The following SCRG1 variants were observed in gnomAD, a reference collection of about 807,000 sequenced individuals.
SCRG1 encodes stimulator of chondrogenesis 1, also known as scrapie-responsive protein 1.
A neutral mutation model predicts 7.7 loss-of-function variants in SCRG1; 3 were observed. The observed-to-expected ratio is 0.39, with a 90% CI of 0.18 to 1.01. The LOEUF is 1.01. Among genes scored for constraint, SCRG1 ranks in the 50% least tolerant of loss-of-function variants. The pLI, the probability that SCRG1 is intolerant of heterozygous loss-of-function variation, is 0.36. For synonymous variants in SCRG1, 46 were observed against 41.2 expected (o/e 1.12, Z -0.44); for missense variants, 110 against 117.2 (o/e 0.94, Z 0.28).
the SCRG1 span, among the ~76,000 whole-genome samples, chr4:173,480,246 AC>A: frequency 8.5e-5 from 13 of 152,220 alleles, no homozygotes; most frequent in African/African-American, 3.1e-4. Flanking sequence ...GGATGGAGGA[AC>A]AAGTTAAGCC....
chr4:173,455,456 A>G, the SCRG1 span, among the ~76,000 whole-genome samples: 2 of 152,196 alleles, frequency 1.3e-5, no homozygotes, highest in South Asian at 2.1e-4. Context: ...TAGTCTTTTT[A>G]ATGGGAAGTC....
chr4:173,415,005 A>G, the SCRG1 span, among the ~76,000 whole-genome samples: 1 of 152,228 alleles, frequency 6.6e-6, no homozygotes, highest in Non-Finnish European at 1.5e-5. Flanking sequence ...ATTATCTACC[A>G]GGCTCACATC....
chr4:173,509,806 C>A, the SCRG1 span, among the ~76,000 whole-genome samples: 1 of 152,044 alleles, frequency 6.6e-6, no homozygotes, highest in Non-Finnish European at 1.5e-5. This position sits in a 1 kb window ranked among gnomAD's most constrained non-coding sequence, Gnocchi z 5.7. Flanking sequence ...GAGAGGAAAC[C>A]GACTCTTTTG....
Position 173,388,142 on chromosome 4 carries a change from A to G in SCRG1, c.*199T>C, listed in dbSNP as rs1739293912. 4.3e-6 allele frequency: 2 copies of G among 460,892 alleles called. No individual in the cohort carries two copies. Among genetic ancestry groups the G allele is most frequent in the Non-Finnish European group, 7.6e-6 (2 of 264,370 alleles). The allele number at this position is 460,892 out of a possible 1,614,324, so 28.6% of individuals were successfully genotyped here. On this transcript the variant is annotated 3_prime_UTR_variant, in exon 3 of 3. Transcript: ENST00000296506. ...TAGGCAAAATTTTTAACCAATGCCA[A>G]CAATGTCCACAGAGAAAAATTAGAT...
At chr4:173,472,023 G>T in the SCRG1 span, among the ~76,000 whole-genome samples, 1 of 152,122 alleles carries the variant, frequency 6.6e-6, no homozygotes, top group Admixed American at 6.6e-5. Context: ...AATGAGTTTT[G>T]AAAGCAAGAA....
the SCRG1 span, among the ~76,000 whole-genome samples, chr4:173,470,629 G>A: frequency 6.6e-6 from 1 of 152,102 alleles, no homozygotes; most frequent in Non-Finnish European, 1.5e-5. Context: ...GTAACCATAT[G>A]ACCCTTTTAA....
rs1176118427 is a variant in SCRG1 at position 173,386,797 on chromosome 4, A to C, written c.*1544T>G. On this transcript the variant is annotated 3_prime_UTR_variant, in exon 3 of 3. Coordinates refer to ENST00000296506, the MANE Select transcript of SCRG1 (RefSeq NM_007281.4). ...TGTAGCAGGCTTCACATTTATAAAT[A>C]ATTACTTGTTTATAGCAATCACACC... is the stretch of plus-strand genomic sequence containing the variant. The C allele has an allele frequency of 6.6e-5, 10 of 152,206 alleles. No individual in the cohort carries two copies. Among genetic ancestry groups the C allele is most frequent in the Non-Finnish European group, 1.3e-4 (9 of 68,030 alleles). The allele number at this position is 152,206 out of a possible 1,614,324, so 9.4% of individuals were successfully genotyped here. A position where few individuals can be genotyped will look rare whatever the true frequency, so the allele number is the denominator to read the frequency against.
chr4:173,424,857 C>T, the SCRG1 span, among the ~76,000 whole-genome samples: 2 of 114,740 alleles, frequency 1.7e-5, no homozygotes, highest in South Asian at 2.9e-4. Flanking sequence ...TGTGGCAAGC[C>T]GAGATCGCAC....
chr4:173,399,598 T>C (rs1739706802), upstream of SCRG1: 1 of 152,356 alleles, frequency 6.6e-6, no homozygotes, highest in Admixed American at 6.5e-5. Context: ...TCTAGATCTG[T>C]TACAAAATCC....
the SCRG1 span, among the ~76,000 whole-genome samples, chr4:173,426,475 T>G: frequency 1.3e-5 from 2 of 152,240 alleles, no homozygotes; most frequent in Non-Finnish European, 2.9e-5. Context: ...CTATTTATTT[T>G]TATTTTATTG....
chr4:173,491,965 A>G, the SCRG1 span, among the ~76,000 whole-genome samples: 3 of 151,804 alleles, frequency 2.0e-5, no homozygotes, highest in Non-Finnish European at 4.4e-5. Flanking sequence ...CTCCATCTCT[A>G]CAATTTTTTT....
At chr4:173,488,097 C>CTAAATAAATAAA in the SCRG1 span, among the ~76,000 whole-genome samples, 113 of 145,048 alleles carry the variant, frequency 7.8e-4, no homozygotes, top group African/African-American at 2.0e-3. Context: ...GAGACTCTGT[C>CTAAATAAATAAA]TAAATAAATA....
At chr4:173,431,228 TC>T in the SCRG1 span, among the ~76,000 whole-genome samples, 1 of 152,264 alleles carries the variant, frequency 6.6e-6, no homozygotes. Context: ...GGGGACCACT[TC>T]CTGTGGCATA....
chr4:173,419,782 A>T, the SCRG1 span: 1 of 1,453,558 alleles, frequency 6.9e-7, no homozygotes, highest in Non-Finnish European at 9.5e-7. Flanking sequence ...TGCTTTCCAC[A>T]TTGTATTCAT....
At chr4:173,466,464 T>C in the SCRG1 span, among the ~76,000 whole-genome samples, 1 of 152,042 alleles carries the variant, frequency 6.6e-6, no homozygotes, top group African/African-American at 2.4e-5. Flanking sequence ...TACAGTCAAA[T>C]GGCAGAATTA....
the SCRG1 span, chr4:173,420,053 C>A: frequency 1.6e-6 from 1 of 617,494 alleles, no homozygotes; most frequent in South Asian, 1.5e-5. Flanking sequence ...GCATAGTAAT[C>A]AGTTTTACCC....
chr4:173,433,293 C>A, the SCRG1 span, among the ~76,000 whole-genome samples: 1 of 152,300 alleles, frequency 6.6e-6, no homozygotes, highest in African/African-American at 2.4e-5. Context: ...TACTGCAAGA[C>A]TTCTCTGATC....
Position 173,391,295 on chromosome 4 carries a change from G to A in SCRG1, c.120C>T (p.Asn40=), listed in dbSNP as rs767596287. The A allele has an allele frequency of 2.5e-6, 4 of 1,614,052 alleles. No individual in the cohort carries two copies. The highest frequency in any genetic ancestry group is 1.7e-5 in the Admixed American group (1 of 60,006). ...RKILKDHNCH[N]LPEGVADLTQ... ...TCAGGTCAGCTACTCCTTCCGGAAG[G>A]TTGTGACAGTTGTGATCTTTTAGTA... The change falls in exon 2 of 3, where the codon AAC becomes AAT. Residue 40 remains asparagine (N), a synonymous_variant. Coordinates refer to ENST00000296506, the MANE Select transcript of SCRG1 (RefSeq NM_007281.4).
At chr4:173,421,218 A>T in the SCRG1 span, among the ~76,000 whole-genome samples, 1 of 152,156 alleles carries the variant, frequency 6.6e-6, no homozygotes, top group African/African-American at 2.4e-5. Context: ...GAAGGAAGAA[A>T]ATGTACTTTA....
Sources: allele counts gnomAD v4.1 joint callset (sites outside exome capture counted in the v4.1 genomes callset), GRCh38; gene constraint gnomAD v4.1.1; non-coding constraint Gnocchi (gnomAD v3.1); transcripts MANE v1.5; gene names NCBI Gene and HGNC (gene_info 2026-07-23, HGNC 2026-07-21).